The following OLA1 variants were observed in gnomAD, a reference collection of about 807,000 sequenced individuals.
The protein encoded by OLA1 is Obg like ATPase 1.
A neutral mutation model predicts 48.4 loss-of-function variants in OLA1; 14 were observed. That is an observed-to-expected ratio of 0.29 (90% CI 0.19 to 0.45). The LOEUF (loss-of-function observed/expected upper bound fraction) is 0.45, where lower values mean the gene tolerates loss of function less well. Ranked by LOEUF, OLA1 falls within the 20% of genes least tolerant of loss-of-function variation. OLA1 has a pLI of 1.00. For synonymous variants in OLA1, 127 were observed against 150.4 expected (o/e 0.84, Z 1.14); for missense variants, 325 against 467.1 (o/e 0.70, Z 2.80).
chr2:174,077,321 TATACATACATACATACATACATAC>T (rs34621038), intron 10 of OLA1, among the ~76,000 whole-genome samples: 131 of 150,762 alleles, frequency 8.7e-4, no homozygotes, highest in African/African-American at 3.0e-3. Context: ...TAGAAATACA[TATACATACATACATACATACATAC>T]ATACATACAT....
chr2:174,152,273 G>T (rs1237746227), intron 4 of OLA1, among the ~76,000 whole-genome samples: 1 of 152,036 alleles, frequency 6.6e-6, no homozygotes, highest in African/African-American at 2.4e-5. Flanking sequence ...GGGCATGGTG[G>T]TGCCTGTAGT....
intron 4 of OLA1, among the ~76,000 whole-genome samples, chr2:174,173,354 T>C (rs1404592169): frequency 6.6e-6 from 1 of 152,194 alleles, no homozygotes; most frequent in Non-Finnish European, 1.5e-5. Flanking sequence ...GTCAGATAAC[T>C]AGAACTATTT....
chr2:174,166,848 G>C (rs1687176943), intron 4 of OLA1, among the ~76,000 whole-genome samples: 1 of 152,212 alleles, frequency 6.6e-6, no homozygotes, highest in East Asian at 1.9e-4. Flanking sequence ...CCTGCTAAAA[G>C]ATTGTATTAA....
intron 4 of OLA1, among the ~76,000 whole-genome samples, chr2:174,210,595 G>C (rs1027976960): frequency 1.3e-5 from 2 of 152,076 alleles, no homozygotes; most frequent in Non-Finnish European, 2.9e-5. Flanking sequence ...ATGTACTATA[G>C]AATGACCCTC....
chr2:174,203,504 T>G (rs967344770), intron 4 of OLA1, among the ~76,000 whole-genome samples: 2 of 151,512 alleles, frequency 1.3e-5, no homozygotes, highest in African/African-American at 4.9e-5. Flanking sequence ...TCTTGCTTTA[T>G]TACCCAGGCT....
chr2:174,223,765 C>CAAAAAAAAAAAAAAAAAAAAA (rs71021680), intron 3 of OLA1, among the ~76,000 whole-genome samples: 1 of 73,342 alleles, frequency 1.4e-5, no homozygotes, highest in Non-Finnish European at 2.6e-5. Context: ...GTTATATAGA[C>CAAAAAAAAAAAAAAAAAAAAA]AAAAAAAAAA....
chr2:174,099,329 C>T (rs1339742081), intron 7 of OLA1, among the ~76,000 whole-genome samples: 1 of 151,880 alleles, frequency 6.6e-6, no homozygotes. Context: ...CTAATTTTTG[C>T]ATTTTTAGTA....
At chr2:174,175,114 G>C (rs369441644) in intron 4 of OLA1, among the ~76,000 whole-genome samples, 14 of 152,078 alleles carry the variant, frequency 9.2e-5, no homozygotes, top group African/African-American at 3.4e-4. Flanking sequence ...TAACTAGAAA[G>C]ATGACAGGCC....
intron 7 of OLA1, among the ~76,000 whole-genome samples, chr2:174,082,406 T>G (rs1684876406): frequency 6.6e-6 from 1 of 152,176 alleles, no homozygotes; most frequent in African/African-American, 2.4e-5. Context: ...TTCCTTACTT[T>G]ACAAAGTAAA....
At chr2:174,246,374 T>C (rs1435298345) in intron 2 of OLA1, among the ~76,000 whole-genome samples, 4 of 152,098 alleles carry the variant, frequency 2.6e-5, no homozygotes, top group African/African-American at 9.7e-5. Flanking sequence ...AGATTTAGAC[T>C]CTTTATAACA....
Position 174,081,139 on chromosome 2 carries a change from G to A in OLA1, c.966+13C>T, listed in dbSNP as rs377236489. Reference sequence around the variant, plus strand: ...GGAACTGGATATAGCTGATGAATAAGTATGAATCTTACCCTGATGGTCCAT... The same window carrying A: ...GGAACTGGATATAGCTGATGAATAAATATGAATCTTACCCTGATGGTCCAT... On this transcript the variant is annotated intron_variant, in intron 9 of 10. Transcript: ENST00000284719. The A allele has an allele frequency of 1.3e-6, 2 of 1,598,722 alleles. No individual in the cohort carries two copies. The highest frequency in any genetic ancestry group is 8.6e-7 in the Non-Finnish European group (1 of 1,166,426).
At chr2:174,232,377 A>G (rs1358241623) in intron 2 of OLA1, among the ~76,000 whole-genome samples, 4 of 152,222 alleles carry the variant, frequency 2.6e-5, no homozygotes, top group Admixed American at 2.0e-4. Context: ...TCAATTAGAT[A>G]TAACTAAACT....
chr2:174,247,075 G>A (rs1214929946), intron 1 of OLA1: 8 of 240,982 alleles, frequency 3.3e-5, no homozygotes, highest in Non-Finnish European at 6.4e-5. Context: ...TATTTGTTGG[G>A]CCGGGCACGG....
rs773935758 is a variant in OLA1 at position 174,229,444 on chromosome 2, T to C, written c.109A>G (p.Thr37Ala). 4.4e-6 allele frequency: 7 copies of C among 1,605,788 alleles called. No individual in the cohort carries two copies. The South Asian group carries it at 6.8e-5, about 16-fold the overall frequency. ...IVGLPNVGKS[T>A]FFNVLTNSQA... Reference sequence around the variant, plus strand: ...CTATTGGTTAACACATTGAAGAAAGTAGATTTCCTAAAACAAATAAAAGCA... The same window carrying C: ...CTATTGGTTAACACATTGAAGAAAGCAGATTTCCTAAAACAAATAAAAGCA... Residue 37 changes from threonine (T) to alanine (A), a missense_variant, in exon 3 of 11, where the codon ACT becomes GCT. Thr to Ala is a moderately conservative substitution (Grantham distance 58). Transcript: ENST00000284719.
chr2:174,142,665 A>G (rs563931927), intron 4 of OLA1, among the ~76,000 whole-genome samples: 2 of 152,342 alleles, frequency 1.3e-5, no homozygotes, highest in East Asian at 1.9e-4. Context: ...AGTTGAAGCC[A>G]TAATTTCAAA....
intron 7 of OLA1, among the ~76,000 whole-genome samples, chr2:174,107,838 C>T (rs1685550355): frequency 6.6e-6 from 1 of 151,776 alleles, no homozygotes; most frequent in Admixed American, 6.6e-5. Flanking sequence ...TGTCAGATTA[C>T]AAAAATATAA....
At chr2:174,102,413 A>T (rs1261911813) in intron 7 of OLA1, among the ~76,000 whole-genome samples, 3 of 151,796 alleles carry the variant, frequency 2.0e-5, no homozygotes, top group Non-Finnish European at 4.4e-5. Context: ...TAGAGACGAG[A>T]TTAGAAATGA....
chr2:174,187,692 T>A (rs1687685275), intron 4 of OLA1, among the ~76,000 whole-genome samples: 1 of 152,218 alleles, frequency 6.6e-6, no homozygotes, highest in Admixed American at 6.5e-5. Context: ...TTTAACTAAG[T>A]CATGTGATCA....
At chr2:174,234,575 C>T (rs1025899790) in intron 2 of OLA1, among the ~76,000 whole-genome samples, 5 of 152,052 alleles carry the variant, frequency 3.3e-5, no homozygotes, top group Non-Finnish European at 5.9e-5. Context: ...GAGATCCTCC[C>T]GCTTCAGCCT....
Sources: allele counts gnomAD v4.1 joint callset (sites outside exome capture counted in the v4.1 genomes callset), GRCh38; gene constraint gnomAD v4.1.1; transcripts MANE v1.5; gene names NCBI Gene and HGNC (gene_info 2026-07-23, HGNC 2026-07-21).